Variants in ERICH6B observed in about 807,000 individuals in gnomAD.
ERICH6B encodes glutamate rich 6B, also known as glutamate-rich protein 6B.
In ERICH6B, 69 loss-of-function variants were observed where a neutral mutation model predicts 80.0. The ratio of observed to expected loss-of-function variants is 0.86; its 90% CI spans 0.71 to 1.05. The LOEUF (loss-of-function observed/expected upper bound fraction) is 1.05, where lower values mean the gene tolerates loss of function less well. Among genes scored for constraint, ERICH6B ranks in the 50% least tolerant of loss-of-function variants. The probability of loss-of-function intolerance (pLI) is 0.00; values close to 1 mark genes in which losing one functional copy is unlikely to be tolerated. For synonymous variants in ERICH6B, 283 were observed against 291.9 expected, an observed-to-expected ratio of 0.97 and a Z score of 0.31; for missense variants, 754 against 796.1, an observed-to-expected ratio of 0.95 and a Z score of 0.64.
intron 11 of ERICH6B, among the ~76,000 whole-genome samples, chr13:45,559,182 T>C (rs1476434898): frequency 6.6e-6 from 1 of 152,210 alleles, no homozygotes; most frequent in Non-Finnish European, 1.5e-5. Flanking sequence ...TCTTCTAGTT[T>C]ATGCATGTAA....
intron 2 of ERICH6B, among the ~76,000 whole-genome samples, chr13:45,605,915 A>G (rs114860314): frequency 0.028 from 4,321 of 152,308 alleles, 184 homozygotes; most frequent in African/African-American, 0.098. Flanking sequence ...TAATTATCCT[A>G]TTAACCAACT....
chr13:45,566,873 A>G (rs1012474429), intron 9 of ERICH6B, among the ~76,000 whole-genome samples: 1 of 152,202 alleles, frequency 6.6e-6, no homozygotes, highest in Non-Finnish European at 1.5e-5. Context: ...ATCCACTGAC[A>G]GCTTGCACTG....
Position 45,597,669 on chromosome 13 carries a change from C to A in ERICH6B, c.-58-606G>T, listed in dbSNP as rs139604393. On this transcript the variant is annotated intron_variant, in intron 2 of 14. Transcript: ENST00000298738. ...ATGCTACATATGTTTTAACACTGAG[C>A]ATCTTGACTCCTCCAGGAAGGCTTC... is the stretch of plus-strand genomic sequence containing the variant. Among the ~76,000 whole-genome samples the A allele has an allele frequency of 4.8e-3, 731 of 152,292 alleles. 16 individuals are homozygous for A. The highest frequency in any genetic ancestry group is 2.9e-3 in the Non-Finnish European group (195 of 68,014).
intron 4 of ERICH6B, among the ~76,000 whole-genome samples, chr13:45,587,833 G>A (rs540459342): frequency 6.6e-6 from 1 of 152,264 alleles, no homozygotes; most frequent in South Asian, 2.1e-4. Flanking sequence ...CTTTTAACTA[G>A]GGGCAAGAAA....
chr13:45,571,537 G>A (rs1022447733), intron 8 of ERICH6B, among the ~76,000 whole-genome samples: 4 of 152,190 alleles, frequency 2.6e-5, no homozygotes, highest in African/African-American at 7.2e-5. Flanking sequence ...ACAAAAAAAT[G>A]TCTTGTGATC....
At chr13:45,583,349 A>G (rs968547387) in intron 5 of ERICH6B, among the ~76,000 whole-genome samples, 1 of 151,972 alleles carries the variant, frequency 6.6e-6, no homozygotes. Flanking sequence ...TATTATTATT[A>G]TGTTTTGGTA....
chr13:45,615,548 TG>T (rs1949923119), intron 1 of ERICH6B, 136 bp downstream of exon 1: 1 of 152,296 alleles, frequency 6.6e-6, no homozygotes, highest in Admixed American at 6.5e-5. Flanking sequence ...GGCGCTTCTT[TG>T]TTGCCCAGAT....
chr13:45,595,433 T>C (rs900777551), intron 3 of ERICH6B, among the ~76,000 whole-genome samples: 5 of 152,012 alleles, frequency 3.3e-5, no homozygotes, highest in African/African-American at 1.2e-4. Flanking sequence ...TAAATAAGTG[T>C]ATCTTTAAAA....
At chr13:45,577,112 C>T (rs1375255506) in intron 7 of ERICH6B, among the ~76,000 whole-genome samples, 1 of 151,866 alleles carries the variant, frequency 6.6e-6, no homozygotes, top group Non-Finnish European at 1.5e-5. Context: ...TCCGGCATGT[C>T]ACTGTTGCAT....
At chr13:45,584,600 A>G (rs1245343011) in intron 5 of ERICH6B, among the ~76,000 whole-genome samples, 1 of 152,232 alleles carries the variant, frequency 6.6e-6, no homozygotes, top group Non-Finnish European at 1.5e-5. Flanking sequence ...TGCAGATTCC[A>G]GGATGTTTCA....
In ERICH6B at chr13:45,614,535, C is replaced by G. The variant is rs921518156; in HGVS notation, c.-111+1150G>C. Among the ~76,000 whole-genome samples the G allele has an allele frequency of 2.0e-5, 3 of 152,324 alleles. No homozygotes were observed. The Middle Eastern group carries it at 0.01, about 518-fold the overall frequency. ...TTTTCAGCCCCCATCACTTCACTTT[C>G]CCTCCTGCTATGGGGGAAACTCAAG... is the stretch of plus-strand genomic sequence containing the variant. On this transcript the variant is annotated intron_variant, in intron 1 of 14. Coordinates refer to ENST00000298738, the MANE Select transcript of ERICH6B (RefSeq NM_182542.3).
At chr13:45,605,960 G>C (rs1949857103) in intron 2 of ERICH6B, among the ~76,000 whole-genome samples, 1 of 152,202 alleles carries the variant, frequency 6.6e-6, no homozygotes, top group Non-Finnish European at 1.5e-5. Context: ...TGAGGCCATA[G>C]CTATGTAGTG....
intron 11 of ERICH6B, among the ~76,000 whole-genome samples, chr13:45,556,769 A>ATG (rs1381249441): frequency 6.8e-6 from 1 of 147,492 alleles, no homozygotes; most frequent in African/African-American, 2.7e-5. Flanking sequence ...CATCATATAT[A>ATG]TATGTGTGTG....
intron 10 of ERICH6B, 196 bp downstream of exon 10, chr13:45,563,531 A>G (rs1486748313): frequency 1.7e-6 from 1 of 604,398 alleles, no homozygotes; most frequent in East Asian, 2.8e-5. Flanking sequence ...CAAGAAAGAA[A>G]CTCACTGGGG....
chr13:45,597,106 C>A lies in ERICH6B; in HGVS notation c.-58-43G>T, dbSNP rs923518823. ...ATAAAATCCTATTAGCCAGTAATAGCAAATGCATATTGATTTAATTCCATT... is the reference window on the plus strand; with the variant it reads ...ATAAAATCCTATTAGCCAGTAATAGAAAATGCATATTGATTTAATTCCATT... On this transcript the variant is annotated intron_variant, in intron 2 of 14. Transcript: ENST00000298738. 10 of 1,273,326 alleles carry A rather than the reference C, an allele frequency of 7.9e-6. No homozygotes were observed. The African/African-American group carries it at 1.4e-4, about 17-fold the overall frequency. The allele number at this position is 1,273,326 out of a possible 1,614,324, so 78.9% of individuals were successfully genotyped here. A position where few individuals can be genotyped will look rare whatever the true frequency, so the allele number is the denominator to read the frequency against.
chr13:45,554,888 C>G (rs1464282629), intron 11 of ERICH6B, among the ~76,000 whole-genome samples: 2 of 152,200 alleles, frequency 1.3e-5, no homozygotes, highest in Non-Finnish European at 2.9e-5. Context: ...GGTGTGCACT[C>G]AGCAAACAGC....
At chr13:45,590,604 C>T in intron 4 of ERICH6B, 45 bp downstream of exon 4, 2 of 1,524,340 alleles carry the variant, frequency 1.3e-6, no homozygotes, top group Non-Finnish European at 1.8e-6. Flanking sequence ...ACATTGTCCC[C>T]AAGCAGGAGT....
At chr13:45,542,525 C>G (rs1873820433) in intron 14 of ERICH6B, among the ~76,000 whole-genome samples, 1 of 152,228 alleles carries the variant, frequency 6.6e-6, no homozygotes, top group South Asian at 2.1e-4. Flanking sequence ...CTGCCCCTCC[C>G]CGGGACTCTA....
chr13:45,582,572 A>T (rs1283880012), intron 5 of ERICH6B, among the ~76,000 whole-genome samples: 1 of 152,204 alleles, frequency 6.6e-6, no homozygotes, highest in Non-Finnish European at 1.5e-5. Context: ...GCTTCAGGGC[A>T]TCTACAAATA....
Sources: gnomAD v4.1 joint callset for allele counts (sites outside exome capture counted in the v4.1 genomes callset) on GRCh38, gnomAD v4.1.1 for gene constraint, MANE v1.5 for transcripts, NCBI Gene and HGNC (gene_info 2026-07-23, HGNC 2026-07-21) for gene names.